ZNF385D: variants seen among roughly 807,000 people sequenced by gnomAD.
ZNF385D encodes zinc finger protein 385D, also known as zinc finger protein 659.
In ZNF385D, 15 loss-of-function variants were observed where a neutral mutation model predicts 35.8. That is an observed-to-expected ratio of 0.42 (90% CI 0.28 to 0.64). The LOEUF is 0.64. Ranked by LOEUF, ZNF385D falls within the 30% of genes least tolerant of loss-of-function variation. The pLI is 0.23. For missense variants in ZNF385D, 474 were observed against 494.6 expected (o/e 0.96, Z 0.39); for synonymous variants, 212 against 186.8 (o/e 1.13, Z -1.10).
intron 2 of ZNF385D, among the ~76,000 whole-genome samples, chr3:22,292,903 T>C (rs1281265273): frequency 6.6e-6 from 1 of 152,094 alleles, no homozygotes. Flanking sequence ...TCCAAGAGAA[T>C]GCATATTTCT....
At chr3:22,009,879 C>T (rs1169985517) in intron 3 of ZNF385D, among the ~76,000 whole-genome samples, 1 of 150,538 alleles carries the variant, frequency 6.6e-6, no homozygotes, top group Non-Finnish European at 1.5e-5. Flanking sequence ...GTGTTATAAG[C>T]CTATAGTTCA....
intron 1 of ZNF385D, among the ~76,000 whole-genome samples, chr3:21,668,084 G>A (rs2066459887): frequency 1.3e-5 from 2 of 152,184 alleles, no homozygotes; most frequent in East Asian, 1.9e-4. Flanking sequence ...GCAAATACAG[G>A]TGTAGGGATG....
At chr3:21,635,534 TTGTTGTTGTTGTTGTTGTTTGTTTG>T (rs1395853891) in intron 2 of ZNF385D, among the ~76,000 whole-genome samples, 17 of 116,746 alleles carry the variant, frequency 1.5e-4, no homozygotes, top group African/African-American at 5.1e-4. Flanking sequence ...GAGTCACTGT[TTGTTGTTGTTGTTGTTGTTTGTTTG>T]TTTTGTTGTT....
At chr3:21,774,586 G>C (rs2071211082) in intron 3 of ZNF385D, among the ~76,000 whole-genome samples, 1 of 151,954 alleles carries the variant, frequency 6.6e-6, no homozygotes, top group South Asian at 2.1e-4. Context: ...ATTAGTCACA[G>C]AGAAGTAAAA....
rs142025389 is a variant in ZNF385D at position 21,609,364 on chromosome 3, A to G, written c.166-44680T>C. 1.8e-3 allele frequency among the ~76,000 whole-genome samples: 275 copies of G among 152,342 alleles called. 3 individuals carry two copies. The highest frequency in any genetic ancestry group is 6.0e-3 in the African/African-American group (248 of 41,584). On this transcript the variant is annotated intron_variant, in intron 2 of 7. Coordinates refer to ENST00000281523, the MANE Select transcript of ZNF385D (RefSeq NM_024697.3). ...CAGAATCACTAATTATAATAAGAAAAAAAGTGTTCAGAAGTCTAGAGTCAA... is the reference window on the plus strand; with the variant it reads ...CAGAATCACTAATTATAATAAGAAAGAAAGTGTTCAGAAGTCTAGAGTCAA...
rs1197951746 is a variant in ZNF385D at position 22,161,548 on chromosome 3, G to C, written c.325+7269C>G. ...GAGAGGGTGAATCATGAGATCTCTGGAATATGGAAAAGTCAACACATTTAG... is the reference window on the plus strand; with the variant it reads ...GAGAGGGTGAATCATGAGATCTCTGCAATATGGAAAAGTCAACACATTTAG... On this transcript the variant is annotated intron_variant, in intron 3 of 5. Transcript: ENST00000494108. 3.3e-5 allele frequency among the ~76,000 whole-genome samples: 5 copies of C among 152,096 alleles called. No homozygotes were observed. The East Asian group carries it at 9.7e-4, about 29-fold the overall frequency.
At chr3:21,613,055 C>T (rs1490613739) in intron 2 of ZNF385D, among the ~76,000 whole-genome samples, 12 of 148,962 alleles carry the variant, frequency 8.1e-5, no homozygotes, top group African/African-American at 2.5e-4. Flanking sequence ...GTGCTAGGCT[C>T]GTTACTTTTT....
intron 2 of ZNF385D, among the ~76,000 whole-genome samples, chr3:22,336,472 A>G (rs1695164272): frequency 6.6e-6 from 1 of 152,086 alleles, no homozygotes; most frequent in African/African-American, 2.4e-5. Flanking sequence ...GCAGCAGCCT[A>G]TTTTTATATT....
chr3:22,334,000 G>C (rs1695053546), intron 2 of ZNF385D, among the ~76,000 whole-genome samples: 1 of 152,128 alleles, frequency 6.6e-6, no homozygotes, highest in Non-Finnish European at 1.5e-5. Context: ...CATTCAGTGG[G>C]AGAAAGTGTA....
chr3:21,925,520 T>A (rs1700682018), intron 3 of ZNF385D, among the ~76,000 whole-genome samples: 1 of 152,098 alleles, frequency 6.6e-6, no homozygotes, highest in Non-Finnish European at 1.5e-5. Context: ...ACAACTTTTA[T>A]AAAAATAGAA....
At chr3:21,824,192 T>G (rs1313935501) in intron 3 of ZNF385D, among the ~76,000 whole-genome samples, 1 of 152,192 alleles carries the variant, frequency 6.6e-6, no homozygotes. Flanking sequence ...CTGGAGGCCC[T>G]GAGACTTCTG....
intron 3 of ZNF385D, among the ~76,000 whole-genome samples, chr3:21,962,016 T>C (rs1415621988): frequency 6.6e-6 from 1 of 152,040 alleles, no homozygotes; most frequent in Non-Finnish European, 1.5e-5. Flanking sequence ...TGAGCCTTAA[T>C]CCTAAGAGCA....
intron 2 of ZNF385D, among the ~76,000 whole-genome samples, chr3:22,212,025 G>A (rs1303158347): frequency 6.6e-6 from 1 of 151,960 alleles, no homozygotes; most frequent in Non-Finnish European, 1.5e-5. Flanking sequence ...TTCACAAATG[G>A]TAATCCTCTA....
intron 3 of ZNF385D, among the ~76,000 whole-genome samples, chr3:21,923,531 C>A (rs1575926093): frequency 6.6e-6 from 1 of 152,106 alleles, no homozygotes; most frequent in Non-Finnish European, 1.5e-5. Flanking sequence ...GAAAACAAAT[C>A]ATTCTATCAA....
intron 2 of ZNF385D, among the ~76,000 whole-genome samples, chr3:22,360,729 C>T (rs995072038): frequency 1.3e-5 from 2 of 151,954 alleles, no homozygotes; most frequent in Non-Finnish European, 2.9e-5. Flanking sequence ...CATTGTCTCA[C>T]TCCTCTGTTC....
At chr3:21,766,739 G>A (rs953899080) in intron 3 of ZNF385D, among the ~76,000 whole-genome samples, 1 of 152,184 alleles carries the variant, frequency 6.6e-6, no homozygotes, top group East Asian at 1.9e-4. Context: ...TTCAGATGGA[G>A]CAAAGGGAGA....
At chr3:21,458,315 GA>G (rs4045438) in intron 4 of ZNF385D, among the ~76,000 whole-genome samples, 189 of 141,446 alleles carry the variant, frequency 1.3e-3, no homozygotes, top group East Asian at 8.1e-3. Context: ...ACTCTTAAAG[GA>G]AAAAAAAAAA....
chr3:21,517,830 C>T (rs1392449722), intron 3 of ZNF385D, among the ~76,000 whole-genome samples: 1 of 152,162 alleles, frequency 6.6e-6, no homozygotes, highest in Non-Finnish European at 1.5e-5. Flanking sequence ...CTCATCTTAA[C>T]TTTTTGATTA....
intron 2 of ZNF385D, among the ~76,000 whole-genome samples, chr3:22,292,957 CCAGT>C (rs1275671151): frequency 6.6e-6 from 1 of 152,024 alleles, no homozygotes; most frequent in Non-Finnish European, 1.5e-5. Flanking sequence ...AGACATGATG[CCAGT>C]AAGTTTAACA....
Sources: gnomAD v4.1 joint callset for allele counts (sites outside exome capture counted in the v4.1 genomes callset) on GRCh38, gnomAD v4.1.1 for gene constraint, MANE v1.5 for transcripts, NCBI Gene and HGNC (gene_info 2026-07-23, HGNC 2026-07-21) for gene names.